SIRPA: variants seen among roughly 807,000 people sequenced by gnomAD.
The protein encoded by SIRPA is tyrosine-protein phosphatase non-receptor type substrate 1.
A neutral mutation model predicts 50.3 loss-of-function variants in SIRPA; 9 were observed. The ratio of observed to expected loss-of-function variants is 0.18; its 90% CI spans 0.11 to 0.31. The LOEUF (loss-of-function observed/expected upper bound fraction) is 0.31, where lower values mean the gene tolerates loss of function less well. SIRPA is among the 10% of genes least tolerant of loss of function. The probability of loss-of-function intolerance (pLI) is 1.00; values close to 1 mark genes in which losing one functional copy is unlikely to be tolerated. For synonymous variants in SIRPA, 265 were observed against 284.1 expected, an observed-to-expected ratio of 0.93 and a Z score of 0.68; for missense variants, 474 against 661.6, an observed-to-expected ratio of 0.72 and a Z score of 3.11.
At chr20:1,903,256 G>A (rs747650817) in intron 1 of SIRPA, among the ~76,000 whole-genome samples, 1 of 152,146 alleles carries the variant, frequency 6.6e-6, no homozygotes, top group Admixed American at 6.5e-5. Flanking sequence ...CTAACATGGA[G>A]CATGTCTGGC....
At chr20:1,899,553 C>G (rs759088392) in intron 1 of SIRPA, among the ~76,000 whole-genome samples, 7 of 152,206 alleles carry the variant, frequency 4.6e-5, no homozygotes, top group African/African-American at 7.2e-5. Flanking sequence ...GCTGAACTCT[C>G]AGCTCTGTGC....
At chr20:1,899,019 C>T (rs150616971) in intron 1 of SIRPA, among the ~76,000 whole-genome samples, 1 of 152,132 alleles carries the variant, frequency 6.6e-6, no homozygotes, top group African/African-American at 2.4e-5. Context: ...GGATCCCACA[C>T]GCGCTCGCTT....
chr20:1,908,970 C>T (rs1039940862), intron 1 of SIRPA, among the ~76,000 whole-genome samples: 1 of 152,220 alleles, frequency 6.6e-6, no homozygotes, highest in Non-Finnish European at 1.5e-5. Context: ...CACACTCTTG[C>T]ACTGCATACT....
At chr20:1,915,523 C>T in intron 2 of SIRPA, 68 bp downstream of exon 2, 1 of 1,555,218 alleles carries the variant, frequency 6.4e-7, no homozygotes, top group Non-Finnish European at 8.8e-7. Flanking sequence ...ACCCTCCATT[C>T]TTTGAGCAAT....
At chr20:1,902,938 G>A (rs1984310071) in intron 1 of SIRPA, among the ~76,000 whole-genome samples, 1 of 150,836 alleles carries the variant, frequency 6.6e-6, no homozygotes, top group Admixed American at 6.6e-5. Context: ...CTTGACCCCA[G>A]GAGGCAGAGG....
chr20:1,925,256 T>A (rs1259133804), intron 5 of SIRPA, among the ~76,000 whole-genome samples: 1 of 152,188 alleles, frequency 6.6e-6, no homozygotes, highest in Non-Finnish European at 1.5e-5. Flanking sequence ...CTAGGTTACA[T>A]GACCAGTCCC....
chr20:1,920,949 G>A (rs6081170), intron 2 of SIRPA, among the ~76,000 whole-genome samples: 1,785 of 152,340 alleles, frequency 0.012, 18 homozygotes, highest in Non-Finnish European at 0.016. Context: ...TGGGCTGAGC[G>A]GCCTGGTTCC....
chr20:1,930,549 A>T (rs1986243870), intron 6 of SIRPA, among the ~76,000 whole-genome samples: 1 of 152,174 alleles, frequency 6.6e-6, no homozygotes, highest in Non-Finnish European at 1.5e-5. Context: ...ACACAGCCCC[A>T]TCTAGGAGGA....
Position 1,933,055 on chromosome 20 carries a change from A to G in SIRPA, c.1227-1660A>G, listed in dbSNP as rs1380937523. Reference sequence around the variant, plus strand: ...CTGTTTAAAAATAGCATCTGAAGGAAGAAAAGGATTAAAGCAGATTAAGAG... The same window carrying G: ...CTGTTTAAAAATAGCATCTGAAGGAGGAAAAGGATTAAAGCAGATTAAGAG... On this transcript the variant is annotated intron_variant, in intron 6 of 7. Coordinates refer to ENST00000358771, the MANE Select transcript of SIRPA (RefSeq NM_001040023.2). The surrounding 1 kb of genome is among the most constrained non-coding windows in gnomAD (Gnocchi z 4.4). Among the ~76,000 whole-genome samples, 3 of 152,272 alleles carry G rather than the reference A, an allele frequency of 2.0e-5. No individual in the cohort carries two copies. The highest frequency in any genetic ancestry group is 7.2e-5 in the African/African-American group (3 of 41,480).
intron 1 of SIRPA, among the ~76,000 whole-genome samples, chr20:1,897,624 A>G (rs938858243): frequency 6.6e-6 from 1 of 152,224 alleles, no homozygotes; most frequent in Non-Finnish European, 1.5e-5. Flanking sequence ...GTGAGAAACT[A>G]AAATGTCAGG....
At position 1,937,177 on chromosome 20, in the gene SIRPA, T is replaced by C. The variant is rs1986624539; in HGVS notation, c.1267-143T>C. ...GGAGGCAAGTAACGTTGGCAAGAGA[T>C]GAGGGGAACATGACTTATGGCTGAG... On this transcript the variant is annotated intron_variant, in intron 7 of 7. Coordinates refer to ENST00000358771, the MANE Select transcript of SIRPA (RefSeq NM_001040023.2). This position sits in a 1 kb window ranked among gnomAD's most constrained non-coding sequence, Gnocchi z 8.3. The C allele has an allele frequency of 2.1e-6, 2 of 972,922 alleles. No individual in the cohort carries two copies. Among genetic ancestry groups the C allele is most frequent in the East Asian group, 2.5e-5 (1 of 40,514 alleles). 60.3% of individuals were successfully genotyped at this position (972,922 alleles called of 1,614,324 possible).
chr20:1,904,763 G>C (rs1214770610), intron 1 of SIRPA, among the ~76,000 whole-genome samples: 1 of 152,152 alleles, frequency 6.6e-6, no homozygotes, highest in African/African-American at 2.4e-5. Flanking sequence ...CCCCTTCTGT[G>C]ACCGGGAGGC....
chr20:1,939,991 A>G lies in SIRPA; in HGVS notation c.*2423A>G, dbSNP rs1376542864. 6.6e-6 allele frequency: 1 copy of G among 152,410 alleles called. No individual in the cohort carries two copies. Among genetic ancestry groups the G allele is most frequent in the Admixed American group, 6.5e-5 (1 of 15,286 alleles). 9.4% of individuals were successfully genotyped at this position (152,410 alleles called of 1,614,324 possible). On this transcript the variant is annotated 3_prime_UTR_variant, in exon 8 of 8. Transcript: ENST00000358771. The surrounding 1 kb of genome is among the most constrained non-coding windows in gnomAD (Gnocchi z 4.7). Reference sequence around the variant, plus strand: ...CTGCCAAAGCCTGGAAGAGGATTGAATGGACCCCAGGGTTTGGAAACAACC... The same window carrying G: ...CTGCCAAAGCCTGGAAGAGGATTGAGTGGACCCCAGGGTTTGGAAACAACC...
rs765828306 is a variant in SIRPA at position 1,924,859 on chromosome 20, C to T, written c.1183C>T (p.Arg395Ter). The change falls in exon 5 of 8, where the codon CGA (arginine) becomes TGA (stop). Residue 395 changes from arginine (R) to a stop codon, truncating the protein, a stop_gained. Coordinates refer to ENST00000358771, the MANE Select transcript of SIRPA (RefSeq NM_001040023.2). LOFTEE classifies it high-confidence loss of function. The surrounding 1 kb of genome is among the most constrained non-coding windows in gnomAD (Gnocchi z 4.5). The part of the protein sequence containing the change: ...ALLMAALYLV[R>*]IRQKKAQGST... The stretch of plus-strand genomic sequence containing the variant: ...ACTGATGGCGGCCCTCTACCTCGTC[C>T]GAATCAGACAGAAGAAAGGTGGGTG... 2 of 1,614,040 alleles carry T rather than the reference C, an allele frequency of 1.2e-6. No individual in the cohort carries two copies. Among genetic ancestry groups the T allele is most frequent in the South Asian group, 1.1e-5 (1 of 91,082 alleles).
At chr20:1,901,803 T>C (rs568196448) in intron 1 of SIRPA, among the ~76,000 whole-genome samples, 8 of 152,226 alleles carry the variant, frequency 5.3e-5, no homozygotes, top group Middle Eastern at 3.4e-3. Flanking sequence ...GGCTGCAGAT[T>C]AGCGCCAAGA....
intron 1 of SIRPA, among the ~76,000 whole-genome samples, chr20:1,895,969 A>G (rs1983785489): frequency 6.6e-6 from 1 of 152,170 alleles, no homozygotes; most frequent in Non-Finnish European, 1.5e-5. Flanking sequence ...GGTCCTCCCG[A>G]TGCTGCCTGG....
In SIRPA at chr20:1,927,850, G is replaced by A. The variant is rs1240148100; in HGVS notation, c.1202-25G>A. 1 of 1,613,136 alleles carries A rather than the reference G, an allele frequency of 6.2e-7. No homozygotes were observed. Among genetic ancestry groups the A allele is most frequent in the Non-Finnish European group, 8.5e-7 (1 of 1,179,060 alleles). On this transcript the variant is annotated intron_variant, in intron 5 of 7. Coordinates refer to ENST00000358771, the MANE Select transcript of SIRPA (RefSeq NM_001040023.2). The surrounding 1 kb of genome is among the most constrained non-coding windows in gnomAD (Gnocchi z 6.5). The stretch of plus-strand genomic sequence containing the variant: ...AAAGTGTGCTTCTAGTTAAACAACT[G>A]GCTTTTGTTTCTTTTGTCTTTCAGC...
At chr20:1,908,401 C>A (rs1432751965) in intron 1 of SIRPA, among the ~76,000 whole-genome samples, 1 of 151,950 alleles carries the variant, frequency 6.6e-6, no homozygotes, top group East Asian at 1.9e-4. Flanking sequence ...ACGTGCATGC[C>A]GCTCCTGCAT....
chr20:1,924,633 C>T lies in SIRPA; in HGVS notation c.1088-131C>T, dbSNP rs1013210873. On this transcript the variant is annotated intron_variant, in intron 4 of 7. Transcript: ENST00000358771. This position sits in a 1 kb window ranked among gnomAD's most constrained non-coding sequence, Gnocchi z 4.5. ...GACCCATGAGTGTGCCCATGTGGCT[C>T]GAGACATCTAAGAAGGTCCAGCCAG... 8.4e-6 allele frequency: 6 copies of T among 713,090 alleles called. No homozygotes were observed. The highest frequency in any genetic ancestry group is 1.8e-5 in the African/African-American group (1 of 56,950). 44.2% of individuals were successfully genotyped at this position (713,090 alleles called of 1,614,324 possible).
Sources: gnomAD v4.1 joint callset for allele counts (sites outside exome capture counted in the v4.1 genomes callset) on GRCh38, gnomAD v4.1.1 for gene constraint, Gnocchi (gnomAD v3.1) non-coding constraint, MANE v1.5 for transcripts, NCBI Gene and HGNC (gene_info 2026-07-23, HGNC 2026-07-21) for gene names.